The following RBM19 variants were observed in gnomAD, a reference collection of about 807,000 sequenced individuals.
The protein encoded by RBM19 is RNA binding motif protein 19.
In RBM19, 94 loss-of-function variants were observed where a neutral mutation model predicts 116.8. That is an observed-to-expected ratio of 0.80 (90% CI 0.68 to 0.95). RBM19 has a LOEUF of 0.95. Among genes scored for constraint, RBM19 ranks in the 40% least tolerant of loss-of-function variants. The probability of loss-of-function intolerance (pLI) is 0.00; values close to 1 mark genes in which losing one functional copy is unlikely to be tolerated. For missense variants in RBM19, 1,161 were observed against 1,220.7 expected (o/e 0.95, Z 0.73); for synonymous variants, 475 against 494.1 (o/e 0.96, Z 0.51).
intron 22 of RBM19, among the ~76,000 whole-genome samples, chr12:113,851,787 C>G (rs148786779): frequency 6.7e-6 from 1 of 150,252 alleles, no homozygotes; most frequent in Non-Finnish European, 1.5e-5. Flanking sequence ...CGGTGGCTCA[C>G]GCCTGTAATC....
At chr12:113,892,996 G>T (rs1333017103) in intron 21 of RBM19, among the ~76,000 whole-genome samples, 1 of 150,880 alleles carries the variant, frequency 6.6e-6, no homozygotes, top group Non-Finnish European at 1.5e-5. Context: ...GTCTATGCGG[G>T]TCTACTCAAT....
intron 21 of RBM19, among the ~76,000 whole-genome samples, chr12:113,874,093 G>A (rs2135774804): frequency 6.6e-6 from 1 of 152,354 alleles, no homozygotes; most frequent in African/African-American, 2.4e-5. Flanking sequence ...AGCATTTGCT[G>A]TCACCCTGCT....
At chr12:113,955,620 G>A (rs1025686494) in intron 6 of RBM19, among the ~76,000 whole-genome samples, 13 of 152,108 alleles carry the variant, frequency 8.5e-5, no homozygotes, top group African/African-American at 3.1e-4. Flanking sequence ...AATCCCATGG[G>A]GATTATGGGT....
chr12:113,823,413 G>A, intron 23 of RBM19, 92 bp from the exon 24 acceptor site: 1 of 1,107,118 alleles, frequency 9.0e-7, no homozygotes, highest in South Asian at 1.3e-5. Context: ...GGAGGGAGAG[G>A]GGAGAGATGA....
intron 21 of RBM19, among the ~76,000 whole-genome samples, chr12:113,864,428 G>C (rs190864316): frequency 6.6e-6 from 1 of 152,216 alleles, no homozygotes; most frequent in Non-Finnish European, 1.5e-5. Flanking sequence ...ATAGAGCTGA[G>C]GATGCCTGAT....
intron 17 of RBM19, among the ~76,000 whole-genome samples, chr12:113,925,652 G>A (rs1869000202): frequency 6.6e-6 from 1 of 152,200 alleles, no homozygotes; most frequent in Admixed American, 6.5e-5. Context: ...TGGACTGTGT[G>A]ACCTAAGGAC....
chr12:113,838,834 G>T (rs1876189482), intron 23 of RBM19, among the ~76,000 whole-genome samples: 1 of 152,176 alleles, frequency 6.6e-6, no homozygotes, highest in Non-Finnish European at 1.5e-5. Flanking sequence ...CAGGGGCAGG[G>T]GCACTCAAGG....
chr12:113,911,741 C>A (rs1315269630), intron 21 of RBM19, among the ~76,000 whole-genome samples: 1 of 152,174 alleles, frequency 6.6e-6, no homozygotes, highest in African/African-American at 2.4e-5. Context: ...AACTACTTTA[C>A]CGGGCCACGG....
intron 19 of RBM19, among the ~76,000 whole-genome samples, 195 bp from the exon 20 acceptor site, chr12:113,918,642 T>C (rs1593584055): frequency 6.6e-6 from 1 of 152,220 alleles, no homozygotes; most frequent in African/African-American, 2.4e-5. Context: ...CAGCAGCTGG[T>C]GGTCAGAGAC....
At chr12:113,828,867 C>T (rs923030713) in intron 23 of RBM19, among the ~76,000 whole-genome samples, 1 of 152,208 alleles carries the variant, frequency 6.6e-6, no homozygotes, top group Non-Finnish European at 1.5e-5. Flanking sequence ...GATAGGTCTG[C>T]ATCTCAGGGC....
At chr12:113,938,157 C>G (rs12298809) in intron 15 of RBM19, among the ~76,000 whole-genome samples, 24,243 of 152,046 alleles carry the variant, frequency 0.16, 2,570 homozygotes, top group African/African-American at 0.3. Flanking sequence ...AACTGTGGCT[C>G]ACACAGAGAG....
chr12:113,861,347 T>A (rs1398632217), intron 21 of RBM19, among the ~76,000 whole-genome samples: 4 of 151,918 alleles, frequency 2.6e-5, no homozygotes, highest in African/African-American at 4.8e-5. Context: ...AAGGTGGGGG[T>A]AGACCGAGTC....
At chr12:113,946,629 T>C (rs1056544573) in intron 11 of RBM19, among the ~76,000 whole-genome samples, 154 bp from the exon 12 acceptor site, 1 of 152,098 alleles carries the variant, frequency 6.6e-6, no homozygotes, top group Non-Finnish European at 1.5e-5. Flanking sequence ...ACGTGGCCAC[T>C]CTCTTCCCAC....
chr12:113,932,947 G>T lies in RBM19; in HGVS notation c.2068+4060C>A, dbSNP rs905189330. 3.9e-5 allele frequency among the ~76,000 whole-genome samples: 6 copies of T among 152,090 alleles called. No individual in the cohort carries two copies. In the East Asian group the frequency reaches 1.2e-3, roughly 29 times the overall value. ...ATCCAGTCACGCATCGCCACATGGGGCTTTATTATAATCAGGCCACAGAAT... is the reference window on the plus strand; with the variant it reads ...ATCCAGTCACGCATCGCCACATGGGTCTTTATTATAATCAGGCCACAGAAT... On this transcript the variant is annotated intron_variant, in intron 16 of 23. Coordinates refer to ENST00000261741, the MANE Select transcript of RBM19 (RefSeq NM_016196.4).
At position 113,940,179 on chromosome 12, in the gene RBM19, C is replaced by T; in HGVS notation, c.1738-19G>A. The T allele has an allele frequency of 1.2e-6, 2 of 1,607,634 alleles. No homozygotes were observed. The highest frequency in any genetic ancestry group is 8.5e-7 in the Non-Finnish European group (1 of 1,175,728). ...CTGCAGCCTGCAAAGAGGAAATGCA[C>T]ACACATGGGACCACAGGAGGGAGGA... is the stretch of plus-strand genomic sequence containing the variant. On this transcript the variant is annotated intron_variant, in intron 14 of 23. Coordinates refer to ENST00000261741, the MANE Select transcript of RBM19 (RefSeq NM_016196.4).
intron 21 of RBM19, among the ~76,000 whole-genome samples, chr12:113,862,721 C>T (rs1161792165): frequency 1.3e-5 from 2 of 152,180 alleles, no homozygotes; most frequent in African/African-American, 4.8e-5. Flanking sequence ...CTGAGCCCAA[C>T]TCTGCCGCTC....
intron 21 of RBM19, among the ~76,000 whole-genome samples, chr12:113,876,480 T>C (rs1879676986): frequency 6.6e-6 from 1 of 152,090 alleles, no homozygotes; most frequent in African/African-American, 2.4e-5. Flanking sequence ...GCTGGGCCCA[T>C]AGTGAGTATT....
intron 22 of RBM19, among the ~76,000 whole-genome samples, chr12:113,850,957 T>C (rs898748553): frequency 3.9e-5 from 6 of 152,224 alleles, no homozygotes; most frequent in East Asian, 1.9e-4. Flanking sequence ...CAAGGACTTC[T>C]GGGAGGAGGG....
intron 1 of RBM19, among the ~76,000 whole-genome samples, chr12:113,962,899 T>C (rs940840397): frequency 1.3e-5 from 2 of 152,174 alleles, no homozygotes; most frequent in Admixed American, 6.5e-5. Context: ...GTGACTGATA[T>C]GGAGATGGGG....
Sources: gnomAD v4.1 joint callset for allele counts (sites outside exome capture counted in the v4.1 genomes callset) on GRCh38, gnomAD v4.1.1 for gene constraint, MANE v1.5 for transcripts, NCBI Gene and HGNC (gene_info 2026-07-23, HGNC 2026-07-21) for gene names.